AOPEP: variants seen among roughly 807,000 people sequenced by gnomAD.
AOPEP encodes aminopeptidase O.
In AOPEP, 77 loss-of-function variants were observed where a neutral mutation model predicts 98.1. The observed-to-expected ratio is 0.78, with a 90% CI of 0.65 to 0.95. The LOEUF is 0.95. AOPEP is among the 40% of genes least tolerant of loss of function. AOPEP has a pLI of 0.00. For synonymous variants in AOPEP, 346 were observed against 365.3 expected (o/e 0.95, Z 0.60); for missense variants, 1,024 against 1,024.7 (o/e 1.00, Z 0.01).
At chr9:94,889,443 GT>G (rs2048621660) in intron 5 of AOPEP, among the ~76,000 whole-genome samples, 1 of 152,150 alleles carries the variant, frequency 6.6e-6, no homozygotes, top group African/African-American at 2.4e-5. Context: ...CTATTTGGAT[GT>G]TACAAATAAA....
intron 13 of AOPEP, among the ~76,000 whole-genome samples, chr9:95,027,019 T>C (rs1388663420): frequency 1.3e-5 from 2 of 152,162 alleles, no homozygotes; most frequent in Non-Finnish European, 2.9e-5. Context: ...CCCAGTACTT[T>C]GGGAGCTGAG....
chr9:94,796,590 AC>A (rs1344024587), intron 4 of AOPEP, among the ~76,000 whole-genome samples: 2 of 152,212 alleles, frequency 1.3e-5, no homozygotes, highest in East Asian at 3.9e-4. Context: ...GGCCTGCTAT[AC>A]CACAGGTTTT....
intron 1 of AOPEP, among the ~76,000 whole-genome samples, chr9:94,741,447 A>G (rs1409530817): frequency 6.6e-6 from 1 of 151,414 alleles, no homozygotes; most frequent in Non-Finnish European, 1.5e-5. Flanking sequence ...TAATTTTTGT[A>G]TTTTTAGTAG....
At chr9:94,778,155 C>G (rs1842558815) in intron 3 of AOPEP, among the ~76,000 whole-genome samples, 1 of 152,116 alleles carries the variant, frequency 6.6e-6, no homozygotes, top group African/African-American at 2.4e-5. Context: ...CCAAGTGTTT[C>G]CAAGGATAAG....
chr9:94,944,046 A>G (rs578087944), intron 7 of AOPEP, among the ~76,000 whole-genome samples: 1 of 152,290 alleles, frequency 6.6e-6, no homozygotes, highest in African/African-American at 2.4e-5. Flanking sequence ...AATACAAATC[A>G]AAACCACAGT....
chr9:94,969,703 G>A (rs2059423765), intron 10 of AOPEP, among the ~76,000 whole-genome samples: 1 of 152,172 alleles, frequency 6.6e-6, no homozygotes, highest in African/African-American at 2.4e-5. Context: ...CACTGCGCCT[G>A]GCCAACATAA....
intron 7 of AOPEP, among the ~76,000 whole-genome samples, chr9:94,937,540 A>T (rs2056450453): frequency 6.6e-6 from 1 of 152,218 alleles, no homozygotes; most frequent in African/African-American, 2.4e-5. Flanking sequence ...GTTCCAACAT[A>T]TACATTTGGG....
chr9:94,838,909 C>CTTTTTTTTTTTTTTTTTT (rs35849023), intron 5 of AOPEP, among the ~76,000 whole-genome samples: 1 of 99,770 alleles, frequency 1.0e-5, no homozygotes, highest in Non-Finnish European at 1.8e-5. Flanking sequence ...AAATGCTATT[C>CTTTTTTTTTTTTTTTTTT]TTTTTTTTTT....
At chr9:94,942,844 G>T (rs1388529365) in intron 7 of AOPEP, among the ~76,000 whole-genome samples, 1 of 148,740 alleles carries the variant, frequency 6.7e-6, no homozygotes, top group African/African-American at 2.5e-5. Context: ...GGCAGAGGTT[G>T]CAGTGAGTTG....
intron 10 of AOPEP, among the ~76,000 whole-genome samples, chr9:94,976,328 C>G (rs1388567489): frequency 6.6e-6 from 1 of 152,164 alleles, no homozygotes; most frequent in African/African-American, 2.4e-5. Context: ...CCCCAGCCCC[C>G]ACTCCATGCC....
At chr9:94,933,639 C>T (rs1417082670) in intron 7 of AOPEP, 1 of 985,312 alleles carries the variant, frequency 1.0e-6, no homozygotes, top group African/African-American at 1.7e-5. Flanking sequence ...GTATGTAACC[C>T]TATCCATAGC....
At chr9:94,906,463 A>ATAG (rs2051150763) in intron 5 of AOPEP, among the ~76,000 whole-genome samples, 1 of 123,292 alleles carries the variant, frequency 8.1e-6, no homozygotes, top group Non-Finnish European at 1.9e-5. Flanking sequence ...TGAAATAATA[A>ATAG]TAATAATAAT....
At chr9:94,888,848 C>T (rs936453391) in intron 5 of AOPEP, among the ~76,000 whole-genome samples, 2 of 152,162 alleles carry the variant, frequency 1.3e-5, no homozygotes, top group African/African-American at 2.4e-5. Context: ...GTTATACATG[C>T]ATTATTTTCT....
intron 1 of AOPEP, among the ~76,000 whole-genome samples, chr9:94,743,450 A>T (rs1317712743): frequency 1.3e-5 from 2 of 152,240 alleles, no homozygotes; most frequent in East Asian, 3.8e-4. Context: ...CAGATGCCAG[A>T]TTTCAACAGT....
intron 1 of AOPEP, among the ~76,000 whole-genome samples, chr9:94,741,634 C>G (rs1363355420): frequency 1.3e-5 from 2 of 151,902 alleles, no homozygotes; most frequent in African/African-American, 4.8e-5. Flanking sequence ...GAATCTTACT[C>G]TTAGTGGTAT....
the AOPEP span, among the ~76,000 whole-genome samples, chr9:95,142,692 T>C: frequency 6.6e-6 from 1 of 152,208 alleles, no homozygotes; most frequent in African/African-American, 2.4e-5. Context: ...GGGATCTCTT[T>C]TAACTCTCAG....
the AOPEP span, among the ~76,000 whole-genome samples, chr9:95,142,130 C>T: frequency 6.6e-6 from 1 of 150,900 alleles, no homozygotes; most frequent in African/African-American, 2.4e-5. Context: ...GTAGCTGGGA[C>T]TACAGGCACC....
intron 13 of AOPEP, chr9:95,049,100 T>C (rs1297330420): frequency 6.6e-6 from 1 of 152,230 alleles, no homozygotes; most frequent in Non-Finnish European, 1.5e-5. Flanking sequence ...TCTTACTTGT[T>C]AAATTCCGAG....
the AOPEP span, chr9:95,100,457 G>A: frequency 4.3e-6 from 1 of 231,236 alleles, no homozygotes; most frequent in Non-Finnish European, 8.6e-6. Flanking sequence ...ACCTCAAAAC[G>A]GAGCCAAGAC....
Sources: allele counts gnomAD v4.1 joint callset (sites outside exome capture counted in the v4.1 genomes callset), GRCh38; gene constraint gnomAD v4.1.1; transcripts MANE v1.5; gene names NCBI Gene and HGNC (gene_info 2026-07-23, HGNC 2026-07-21).